Variants in TRHDE observed in about 807,000 individuals in gnomAD.
The protein encoded by TRHDE is thyrotropin-releasing hormone-degrading ectoenzyme.
TRHDE carries 72 observed loss-of-function variants against 125.7 expected under a neutral mutation model. The observed-to-expected ratio is 0.57, with a 90% CI of 0.47 to 0.70. The LOEUF (loss-of-function observed/expected upper bound fraction) is 0.70. TRHDE is among the 30% of genes least tolerant of loss of function. The pLI, the probability that TRHDE is intolerant of heterozygous loss-of-function variation, is 0.00. For missense variants in TRHDE, 1,110 were observed against 1,327.1 expected (o/e 0.84, Z 2.54); for synonymous variants, 509 against 509.1 (o/e 1.00, Z 0.00).
In TRHDE at chr12:72,209,045, C is replaced by T. The variant is rs565411343; in HGVS notation, n.279+103293C>T. On this transcript the variant is annotated intron_variant and non_coding_transcript_variant, in intron 2 of 4. Transcript: ENST00000548156. ...TTCTTGACCTTTTCAGATTGGCCTC[C>T]TTGTCTATTTCTCATCATAGAGGAT... Among the ~76,000 whole-genome samples the T allele has an allele frequency of 8.5e-5, 13 of 152,266 alleles. No homozygotes were observed. In the East Asian group the frequency reaches 2.5e-3, roughly 29 times the overall value.
rs1592407345 is a variant in TRHDE at position 72,384,425 on chromosome 12, A to G, written c.1315+6304A>G. On this transcript the variant is annotated intron_variant, in intron 3 of 18. Coordinates refer to ENST00000261180, the MANE Select transcript of TRHDE (RefSeq NM_013381.3). ...AAATGAATGAATTAGAGACTCGCAC[A>G]ATATGGAATATAATCAAGCACCAAC... Among the ~76,000 whole-genome samples the G allele has an allele frequency of 1.3e-5, 2 of 152,350 alleles. 1 individual carries two copies. Among genetic ancestry groups the G allele is most frequent in the South Asian group, 4.1e-4 (2 of 4,832 alleles).
At chr12:72,590,405 C>T (rs1196569510) in intron 12 of TRHDE, among the ~76,000 whole-genome samples, 1 of 151,942 alleles carries the variant, frequency 6.6e-6, no homozygotes, top group Non-Finnish European at 1.5e-5. Flanking sequence ...GATATTTTGA[C>T]TAGTATTATA....
intron 3 of TRHDE, among the ~76,000 whole-genome samples, chr12:72,456,942 A>C (rs775172673): frequency 1.3e-5 from 2 of 152,146 alleles, no homozygotes; most frequent in Non-Finnish European, 1.5e-5. Context: ...ATTGAATAGA[A>C]GCTCTCAGAA....
At chr12:72,313,511 TA>T (rs1305192388) in intron 2 of TRHDE, among the ~76,000 whole-genome samples, 2 of 152,098 alleles carry the variant, frequency 1.3e-5, no homozygotes, top group Admixed American at 6.5e-5. Flanking sequence ...TAATTGTCAT[TA>T]AAAGGGCGTT....
chr12:72,524,225 T>C (rs1208640389), intron 6 of TRHDE, among the ~76,000 whole-genome samples: 1 of 152,156 alleles, frequency 6.6e-6, no homozygotes, highest in African/African-American at 2.4e-5. Flanking sequence ...CCGTAAACTC[T>C]CCCTGAAGTC....
chr12:72,670,184 T>C lies in TRHDE; in HGVS notation c.*6989T>C, dbSNP rs565854964. 2 of 151,930 alleles carry C rather than the reference T, an allele frequency of 1.3e-5. No individual in the cohort carries two copies. The highest frequency in any genetic ancestry group is 4.8e-5 in the African/African-American group (2 of 41,534). 9.4% of individuals were successfully genotyped at this position (151,930 alleles called of 1,614,324 possible). On this transcript the variant is annotated 3_prime_UTR_variant, in exon 19 of 19. Coordinates refer to ENST00000261180, the MANE Select transcript of TRHDE (RefSeq NM_013381.3). ...ACTTTTCCTTTCTAACATTTTATGATTTAGGAATTAAAAAGTAGCTGTTCT... is the reference window on the plus strand; with the variant it reads ...ACTTTTCCTTTCTAACATTTTATGACTTAGGAATTAAAAAGTAGCTGTTCT...
At chr12:72,263,562 A>G (rs1444864597) in intron 2 of TRHDE, 1 of 152,098 alleles carries the variant, frequency 6.6e-6, no homozygotes, top group Non-Finnish European at 1.5e-5. Context: ...AGGAAACTGG[A>G]TATATGTCAG....
At chr12:72,527,964 A>G (rs1868367827) in intron 6 of TRHDE, among the ~76,000 whole-genome samples, 1 of 152,162 alleles carries the variant, frequency 6.6e-6, no homozygotes, top group Admixed American at 6.5e-5. Context: ...AAAGGCTAAC[A>G]CTATGCTCAA....
chr12:72,470,223 A>G (rs1016744141), intron 4 of TRHDE, among the ~76,000 whole-genome samples: 11 of 152,198 alleles, frequency 7.2e-5, no homozygotes, highest in African/African-American at 2.7e-4. Flanking sequence ...TCTTGTGATT[A>G]TTAGTGTGTA....
At chr12:72,237,038 A>ATG (rs1878349192) in intron 2 of TRHDE, among the ~76,000 whole-genome samples, 4 of 152,244 alleles carry the variant, frequency 2.6e-5, no homozygotes, top group African/African-American at 9.6e-5. Flanking sequence ...TTGTTGGTTC[A>ATG]TGGGAAAGAG....
intron 2 of TRHDE, among the ~76,000 whole-genome samples, chr12:72,247,165 C>A (rs1056733857): frequency 1.3e-5 from 2 of 152,048 alleles, no homozygotes; most frequent in African/African-American, 4.8e-5. Context: ...TAAAGCACAT[C>A]TAGATTACTT....
At chr12:72,547,427 G>A (rs1199535153) in intron 7 of TRHDE, among the ~76,000 whole-genome samples, 1 of 151,698 alleles carries the variant, frequency 6.6e-6, no homozygotes, top group Non-Finnish European at 1.5e-5. Flanking sequence ...ATATCAGGAT[G>A]AATCAGTACC....
intron 3 of TRHDE, among the ~76,000 whole-genome samples, chr12:72,420,811 A>G (rs1040910471): frequency 1.7e-4 from 26 of 152,170 alleles, no homozygotes; most frequent in African/African-American, 4.8e-4. Context: ...CTAAACTCCC[A>G]ACATACTCTC....
chr12:72,575,190 A>G, intron 10 of TRHDE, 65 bp from the exon 11 acceptor site: 2 of 1,531,114 alleles, frequency 1.3e-6, no homozygotes, highest in Non-Finnish European at 8.9e-7. Context: ...TGGCGTTAAG[A>G]AAACATACTT....
At chr12:72,292,945 G>C (rs1880143871) in intron 2 of TRHDE, among the ~76,000 whole-genome samples, 1 of 152,182 alleles carries the variant, frequency 6.6e-6, no homozygotes, top group Admixed American at 6.5e-5. Flanking sequence ...GTGGTACAGA[G>C]CAGGGAACAA....
intron 12 of TRHDE, among the ~76,000 whole-genome samples, chr12:72,586,055 G>A (rs1871425571): frequency 6.6e-6 from 1 of 152,156 alleles, no homozygotes; most frequent in African/African-American, 2.4e-5. Context: ...ATTAGCCAAT[G>A]ATAAAGTAAA....
intron 10 of TRHDE, among the ~76,000 whole-genome samples, chr12:72,573,548 G>T (rs978506090): frequency 6.6e-6 from 1 of 151,822 alleles, no homozygotes; most frequent in African/African-American, 2.4e-5. Flanking sequence ...TGTCCCTCAG[G>T]TTACAAGTAA....
At chr12:72,325,195 A>C (rs1350988668) in intron 2 of TRHDE, among the ~76,000 whole-genome samples, 2 of 151,954 alleles carry the variant, frequency 1.3e-5, no homozygotes, top group South Asian at 4.1e-4. Flanking sequence ...ATTTTGTGTT[A>C]TGTAGACATA....
intron 6 of TRHDE, among the ~76,000 whole-genome samples, chr12:72,516,706 C>T (rs1419877499): frequency 6.6e-6 from 1 of 150,748 alleles, no homozygotes; most frequent in Non-Finnish European, 1.5e-5. Flanking sequence ...TGAGAGAGGG[C>T]ATCCCTGTCT....
Sources: gnomAD v4.1 joint callset for allele counts (sites outside exome capture counted in the v4.1 genomes callset) on GRCh38, gnomAD v4.1.1 for gene constraint, MANE v1.5 for transcripts, NCBI Gene and HGNC (gene_info 2026-07-23, HGNC 2026-07-21) for gene names.